Variants in NID2 observed in about 807,000 individuals in gnomAD.
The protein encoded by NID2 is nidogen-2.
A neutral mutation model predicts 145.4 loss-of-function variants in NID2; 83 were observed. That is an observed-to-expected ratio of 0.57 (90% CI 0.48 to 0.69). The LOEUF (loss-of-function observed/expected upper bound fraction) is 0.69, where lower values mean the gene tolerates loss of function less well. NID2 is among the 30% of genes least tolerant of loss of function. NID2 has a pLI of 0.00. For synonymous variants in NID2, 739 were observed against 701.3 expected, an observed-to-expected ratio of 1.05 and a Z score of -0.85; for missense variants, 1,807 against 1,765.7, an observed-to-expected ratio of 1.02 and a Z score of -0.42.
Position 52,014,457 on chromosome 14 carries a change from CTGTGGGAGAGAG to C in NID2, c.3251-13_3251-2del. ...ATGGGTGGAGCGACGGTGGGTATAC[CTGTGGGAGAGAG>C]GGTGGGAGAGCAGGAAGGGGAACAA... On this transcript the variant is annotated splice_acceptor_variant and splice_polypyrimidine_tract_variant and intron_variant, in intron 15 of 21. Transcript: ENST00000216286. LOFTEE classifies it high-confidence loss of function. The C allele has an allele frequency of 6.2e-7, 1 of 1,605,000 alleles. No individual in the cohort carries two copies. The highest frequency in any genetic ancestry group is 8.5e-7 in the Non-Finnish European group (1 of 1,175,046).
intron 2 of NID2, among the ~76,000 whole-genome samples, chr14:52,066,584 A>G (rs1160622037): frequency 6.6e-6 from 1 of 152,152 alleles, no homozygotes; most frequent in East Asian, 1.9e-4. Context: ...TACACCTACT[A>G]TGTACCCTCA....
At chr14:52,044,442 TG>T (rs1232504627) in intron 5 of NID2, among the ~76,000 whole-genome samples, 1 of 151,906 alleles carries the variant, frequency 6.6e-6, no homozygotes, top group East Asian at 1.9e-4. Flanking sequence ...ACTAATTTTT[TG>T]TATTTTTTAG....
chr14:52,049,414 C>A (rs1892613077), intron 5 of NID2, among the ~76,000 whole-genome samples: 1 of 150,576 alleles, frequency 6.6e-6, no homozygotes, highest in Non-Finnish European at 1.5e-5. Flanking sequence ...CAGCCCTTGG[C>A]CGGCCTGCCC....
intron 11 of NID2, among the ~76,000 whole-genome samples, chr14:52,027,751 G>T (rs541690899): frequency 3.4e-5 from 5 of 144,986 alleles, no homozygotes; most frequent in Non-Finnish European, 7.5e-5. Context: ...TTGAGATGGA[G>T]TCTCACTCTG....
rs762421793 is a variant in NID2 at position 52,029,642 on chromosome 14, A to C, written c.2306T>G (p.Met769Arg). The C allele has an allele frequency of 1.2e-6, 2 of 1,614,090 alleles. No individual in the cohort carries two copies. The highest frequency in any genetic ancestry group is 2.2e-5 in the South Asian group (2 of 91,076). The change falls in exon 10 of 22, where the codon ATG becomes AGG. Residue 769 changes from methionine to arginine, a missense_variant. Physicochemically the swap from Met to Arg is moderately conservative, Grantham distance 91 (BLOSUM62 -1). Transcript: ENST00000216286. ...PGNPCYDGSH[M>R]CDTTARCHPG... ...ATGGCACCGTGCTGTTGTGTCACACATGTGGCTCCCATCATAGCAAGGATT... is the reference window on the plus strand; with the variant it reads ...ATGGCACCGTGCTGTTGTGTCACACCTGTGGCTCCCATCATAGCAAGGATT...
intron 6 of NID2, 25 bp downstream of exon 6, chr14:52,042,757 G>A (rs778040876): frequency 6.2e-7 from 1 of 1,612,384 alleles, no homozygotes; most frequent in South Asian, 1.1e-5. Flanking sequence ...TAGACACACA[G>A]GAGTTCCTGG....
intron 3 of NID2, 55 bp downstream of exon 3, chr14:52,060,069 T>C: frequency 1.5e-6 from 2 of 1,296,246 alleles, no homozygotes; most frequent in South Asian, 1.4e-5. Context: ...GTTCAGGTAC[T>C]TCCTAAAAGT....
intron 8 of NID2, among the ~76,000 whole-genome samples, chr14:52,039,348 C>G (rs1892192737): frequency 6.6e-6 from 1 of 152,192 alleles, no homozygotes; most frequent in African/African-American, 2.4e-5. Flanking sequence ...AGATGCAATG[C>G]TGCCACATGG....
At chr14:52,050,766 C>T (rs530349987) in intron 5 of NID2, among the ~76,000 whole-genome samples, 23 of 152,296 alleles carry the variant, frequency 1.5e-4, no homozygotes, top group African/African-American at 1.9e-4. Context: ...CACCACCACA[C>T]CCGGCTAATT....
intron 5 of NID2, among the ~76,000 whole-genome samples, chr14:52,052,110 C>T (rs568324871): frequency 5.4e-4 from 82 of 152,318 alleles, no homozygotes; most frequent in Non-Finnish European, 1.0e-3. Flanking sequence ...CCTCAAATCC[C>T]TTTGTGAAAA....
chr14:52,006,810 C>CTATT, intron 19 of NID2, 150 bp from the exon 20 acceptor site: 1 of 711,960 alleles, frequency 1.4e-6, no homozygotes, highest in Non-Finnish European at 2.2e-6. Context: ...ATTACCTGTC[C>CTATT]TATTACTAGT....
intron 9 of NID2, among the ~76,000 whole-genome samples, chr14:52,037,341 C>T (rs191106026): frequency 8.8e-4 from 133 of 151,968 alleles, no homozygotes; most frequent in African/African-American, 3.1e-3. Context: ...ATGTTTACAA[C>T]GTGCAGGTTT....
chr14:52,007,240 C>G (rs2140339461), intron 19 of NID2: 1 of 154,528 alleles, frequency 6.5e-6, no homozygotes, highest in Non-Finnish European at 1.4e-5. Flanking sequence ...TTGTTTTAAA[C>G]AACTGGGTTA....
chr14:52,054,196 C>A lies in NID2; in HGVS notation c.893G>T (p.Arg298Leu), dbSNP rs771694529. ...SAAHSSVPLG[R>L]SFSHATALES... is the part of the protein sequence containing the mutation. ...CAGGGCTGTAGCATGGCTGAAGGAA[C>A]GTCCCAGGGGAACAGAAGAGTGGGC... is the stretch of plus-strand genomic sequence containing the variant. The change falls in exon 4 of 22, where the codon CGT (arginine) becomes CTT (leucine). Residue 298 changes from arginine to leucine, a missense_variant. By Grantham distance (102) the Arg-to-Leu change is moderately radical (BLOSUM62 -2). Transcript: ENST00000216286. The A allele has an allele frequency of 6.2e-7, 1 of 1,614,002 alleles. No homozygotes were observed. Among genetic ancestry groups the A allele is most frequent in the South Asian group, 1.1e-5 (1 of 91,084 alleles).
rs372819788 is a variant in NID2, at chr14:52,006,616, G to T, written c.3925C>A (p.Arg1309Ser). The change falls in exon 20 of 22, where the codon CGT (arginine) becomes AGT (serine). Residue 1309 changes from arginine to serine, a missense_variant. Transcript: ENST00000216286. The part of the protein sequence containing the change: ...ECTLPDGTGR[R>S]VIQNNLKYPF... Reference sequence around the variant, plus strand: ...TACTTGAGGTTGTTTTGAATGACACGCCGTCCAGTTCCATCAGGTAGTGTA... The same window carrying T: ...TACTTGAGGTTGTTTTGAATGACACTCCGTCCAGTTCCATCAGGTAGTGTA... The T allele has an allele frequency of 1.2e-6, 2 of 1,613,800 alleles. No homozygotes were observed. The highest frequency in any genetic ancestry group is 1.1e-5 in the South Asian group (1 of 91,078).
intron 8 of NID2, among the ~76,000 whole-genome samples, chr14:52,039,733 C>G (rs1892207673): frequency 6.6e-6 from 1 of 152,222 alleles, no homozygotes; most frequent in Admixed American, 6.5e-5. Context: ...GCAGGTAGTA[C>G]TTTCACAGAA....
chr14:52,028,615 C>T, intron 11 of NID2, 107 bp downstream of exon 11: 2 of 1,291,968 alleles, frequency 1.5e-6, no homozygotes, highest in Non-Finnish European at 2.1e-6. Flanking sequence ...CTTAAGAAAA[C>T]CATATAGCAG....
At position 52,040,795 on chromosome 14, in the gene NID2, G is replaced by T. The variant is rs142601895; in HGVS notation, c.1882C>A (p.Arg628Ser). 5.6e-6 allele frequency: 9 copies of T among 1,614,160 alleles called. No homozygotes were observed. The highest frequency in any genetic ancestry group is 4.4e-5 in the South Asian group (4 of 91,080). The change falls in exon 8 of 22, where the codon CGT (arginine) becomes AGT (serine). Residue 628 changes from arginine to serine, a missense_variant. Transcript: ENST00000216286. ...AGTCCCTCAGCAGTTTGAGTGATAC[G>T]AACCGTCTCCTCTCCCGGGTAGAAT... ...VTFYPGEETV[R>S]ITQTAEGLDP...
In NID2 at chr14:52,005,141, CA is replaced by C. The variant is rs1890710024; in HGVS notation, c.*344del. ...TTTCTTGGCCAGAAGGAATCCATGG[CA>C]AAAATCAGGTTTAGAGTCTTAAACT... On this transcript the variant is annotated 3_prime_UTR_variant, in exon 22 of 22. Transcript: ENST00000216286. The C allele has an allele frequency of 5.1e-6, 1 of 197,322 alleles. No homozygotes were observed. The highest frequency in any genetic ancestry group is 1.0e-5 in the Non-Finnish European group (1 of 98,292). 12.2% of individuals were successfully genotyped at this position (197,322 alleles called of 1,614,324 possible).
Sources: allele counts gnomAD v4.1 joint callset (sites outside exome capture counted in the v4.1 genomes callset), GRCh38; gene constraint gnomAD v4.1.1; transcripts MANE v1.5; gene names NCBI Gene and HGNC (gene_info 2026-07-23, HGNC 2026-07-21).